The following TNRC6A variants were observed in gnomAD, a reference collection of about 807,000 sequenced individuals.
TNRC6A encodes trinucleotide repeat containing adaptor 6A, also known as trinucleotide repeat-containing gene 6A protein.
TNRC6A carries 44 observed loss-of-function variants against 221.2 expected under a neutral mutation model. That is an observed-to-expected ratio of 0.20 (90% CI 0.16 to 0.26). The LOEUF is 0.26. Ranked by LOEUF, TNRC6A falls within the 10% of genes least tolerant of loss-of-function variation. The probability of loss-of-function intolerance (pLI) is 1.00; values close to 1 mark genes in which losing one functional copy is unlikely to be tolerated. For missense variants in TNRC6A, 2,199 were observed against 2,404.4 expected (o/e 0.91, Z 1.79); for synonymous variants, 847 against 838.5 (o/e 1.01, Z -0.18).
chr16:24,666,466 C>A (rs1274248731), intron 2 of TNRC6A, among the ~76,000 whole-genome samples: 2 of 119,620 alleles, frequency 1.7e-5, no homozygotes, highest in Non-Finnish European at 1.7e-5. Flanking sequence ...AGCAAGACTC[C>A]GTCTCAAAAA....
At position 24,790,560 on chromosome 16, in the gene TNRC6A, G is replaced by A. The variant is rs1284413633; in HGVS notation, c.1918G>A (p.Gly640Arg). The A allele has an allele frequency of 3.1e-6, 5 of 1,614,096 alleles. No individual in the cohort carries two copies. The highest frequency in any genetic ancestry group is 4.2e-6 in the Non-Finnish European group (5 of 1,180,054). Reference sequence around the variant, plus strand: ...TGGCAATGGTAAGACGTTTACAAATGGATGGAAATCTACTGAGGAAGAGGA... The same window carrying A: ...TGGCAATGGTAAGACGTTTACAAATAGATGGAAATCTACTGAGGAAGAGGA... ...ANGNGKTFTN[G>R]WKSTEEEDQG... Residue 640 changes from glycine (G) to arginine (R), a missense_variant, in exon 6 of 25, where the codon GGA (glycine) becomes AGA (arginine). Coordinates refer to ENST00000395799, the MANE Select transcript of TNRC6A (RefSeq NM_014494.4).
chr16:24,661,634 G>A (rs1224864385), intron 2 of TNRC6A: 1 of 152,098 alleles, frequency 6.6e-6, no homozygotes, highest in Non-Finnish European at 1.5e-5. Context: ...GGATGGTCTC[G>A]ATCTCTTCAC....
At position 24,823,967 on chromosome 16, in the gene TNRC6A, A is replaced by G; in HGVS notation, c.*160A>G. 1 of 588,756 alleles carries G rather than the reference A, an allele frequency of 1.7e-6. No individual in the cohort carries two copies. The highest frequency in any genetic ancestry group is 2.6e-6 in the Non-Finnish European group (1 of 387,712). The allele number at this position is 588,756 out of a possible 1,614,324, so 36.5% of individuals were successfully genotyped here. ...AAAACATATCAGTTTGAATACTTGAATCATGCAGGCCAATATTATAATGTG... is the reference window on the plus strand; with the variant it reads ...AAAACATATCAGTTTGAATACTTGAGTCATGCAGGCCAATATTATAATGTG... On this transcript the variant is annotated 3_prime_UTR_variant, in exon 25 of 25. Coordinates refer to ENST00000395799, the MANE Select transcript of TNRC6A (RefSeq NM_014494.4). The surrounding 1 kb of genome is among the most constrained non-coding windows in gnomAD (Gnocchi z 4.3).
At chr16:24,765,193 G>A (rs1462387814) in intron 4 of TNRC6A, among the ~76,000 whole-genome samples, 2 of 152,188 alleles carry the variant, frequency 1.3e-5, no homozygotes, top group East Asian at 3.8e-4. Context: ...CTATTATAAC[G>A]AATTTCAGGA....
Position 24,777,369 on chromosome 16 carries a change from G to A in TNRC6A, c.589+11G>A, listed in dbSNP as rs1415414003. 1 of 1,600,062 alleles carries A rather than the reference G, an allele frequency of 6.2e-7. No homozygotes were observed. Among genetic ancestry groups the A allele is most frequent in the Admixed American group, 1.7e-5 (1 of 59,784 alleles). On this transcript the variant is annotated intron_variant, in intron 5 of 24. Coordinates refer to ENST00000395799, the MANE Select transcript of TNRC6A (RefSeq NM_014494.4). The stretch of plus-strand genomic sequence containing the variant: ...GCAAAAACCAGTCAGGTGAGAGAAG[G>A]CATTTCTTACGAGACTCACACCTTA...
At chr16:24,765,402 T>TC (rs1232356473) in intron 4 of TNRC6A, among the ~76,000 whole-genome samples, 5 of 152,150 alleles carry the variant, frequency 3.3e-5, no homozygotes, top group Admixed American at 3.3e-4. Context: ...AGTCACCCCA[T>TC]CTCCCCATAG....
intron 2 of TNRC6A, chr16:24,671,174 C>G (rs933053646): frequency 1.4e-5 from 3 of 208,540 alleles, no homozygotes; most frequent in African/African-American, 7.1e-5. Context: ...TAATGCCTCA[C>G]TGTGTCTAAA....
At chr16:24,729,297 G>A (rs1211899948), upstream of TNRC6A, among the ~76,000 whole-genome samples, 1 of 130,836 alleles carries the variant, frequency 7.6e-6, no homozygotes, top group African/African-American at 3.0e-5. Flanking sequence ...TTGCGTTTTA[G>A]GCAATTTTTT....
At chr16:24,782,258 C>A (rs1275375978) in intron 5 of TNRC6A, among the ~76,000 whole-genome samples, 1 of 152,232 alleles carries the variant, frequency 6.6e-6, no homozygotes, top group Non-Finnish European at 1.5e-5. Context: ...ATATCCATCT[C>A]CCTACCACTT....
At chr16:24,804,572 A>G in intron 12 of TNRC6A, 133 bp from the exon 13 acceptor site, 2 of 1,351,056 alleles carry the variant, frequency 1.5e-6, no homozygotes, top group Non-Finnish European at 2.0e-6. Flanking sequence ...CACTAATCCG[A>G]TCTCTTCTGT....
intron 2 of TNRC6A, among the ~76,000 whole-genome samples, chr16:24,716,675 A>G (rs1472356125): frequency 6.6e-6 from 1 of 152,084 alleles, no homozygotes; most frequent in Non-Finnish European, 1.5e-5. Flanking sequence ...AAAAGAAAAA[A>G]AAGTCTGGGC....
intron 2 of TNRC6A, 66 bp from the exon 3 acceptor site, chr16:24,750,660 T>C (rs1439311249): frequency 1.3e-5 from 18 of 1,407,238 alleles, no homozygotes; most frequent in Middle Eastern, 3.8e-4. Flanking sequence ...AAAATGAATC[T>C]GTATGCAACA....
intron 3 of TNRC6A, among the ~76,000 whole-genome samples, chr16:24,752,744 A>G (rs2057165795): frequency 6.6e-6 from 1 of 152,188 alleles, no homozygotes; most frequent in Non-Finnish European, 1.5e-5. Flanking sequence ...TTTATTGAAA[A>G]GGATGGTTGG....
rs190989013 is a variant in TNRC6A at position 24,755,389 on chromosome 16, C to A, written c.142-2950C>A. 5.9e-5 allele frequency among the ~76,000 whole-genome samples: 9 copies of A among 152,354 alleles called. 1 individual carries two copies. In the East Asian group the frequency reaches 1.7e-3, roughly 29 times the overall value. ...AGCCAATACTGAGCCAAAGCATGGG[C>A]AGATAGGCTGAAGATAGCAGCCGCC... is the stretch of plus-strand genomic sequence containing the variant. On this transcript the variant is annotated intron_variant, in intron 3 of 24. Transcript: ENST00000395799.
chr16:24,773,788 G>C (rs1298841561), intron 4 of TNRC6A, among the ~76,000 whole-genome samples: 1 of 150,506 alleles, frequency 6.6e-6, no homozygotes, highest in Non-Finnish European at 1.5e-5. Flanking sequence ...TTTTCTCTTT[G>C]AATTTTGTCT....
At position 24,789,942 on chromosome 16, in the gene TNRC6A, A is replaced by C; in HGVS notation, c.1300A>C (p.Thr434Pro). 6.2e-7 allele frequency: 1 copy of C among 1,614,012 alleles called. No individual in the cohort carries two copies. The highest frequency in any genetic ancestry group is 1.7e-5 in the Admixed American group (1 of 60,008). ...QETCESEVSGTQKVSFSGQPQ... is the reference protein window; with the variant it reads ...QETCESEVSGPQKVSFSGQPQ... ...AACTTGTGAATCTGAAGTAAGTGGT[A>C]CACAGAAGGTTTCATTCAGTGGTCA... Residue 434 changes from threonine to proline, a missense_variant, in exon 6 of 25, where the codon ACA becomes CCA. By Grantham distance (38) the Thr-to-Pro change is conservative. Around this residue, in one of 8 missense-constraint regions of TNRC6A, gnomAD observed 1,405 missense variants for 1,400.2 expected, o/e 1.00. Coordinates refer to ENST00000395799, the MANE Select transcript of TNRC6A (RefSeq NM_014494.4).
chr16:24,640,589 C>T lies in TNRC6A; in HGVS notation n.277-295C>T, dbSNP rs564387590. Among the ~76,000 whole-genome samples, 4 of 151,428 alleles carry T rather than the reference C, an allele frequency of 2.6e-5. No homozygotes were observed. The East Asian group carries it at 7.8e-4, about 29-fold the overall frequency. On this transcript the variant is annotated intron_variant and non_coding_transcript_variant, in intron 1 of 2. Transcript: ENST00000566108. Reference sequence around the variant, plus strand: ...CCAAAAATACAAAAAATTATCTGGGCATGGTGGTGCACGCCTTTGGTCCCA... The same window carrying T: ...CCAAAAATACAAAAAATTATCTGGGTATGGTGGTGCACGCCTTTGGTCCCA...
intron 2 of TNRC6A, among the ~76,000 whole-genome samples, chr16:24,651,295 T>G (rs2141843638): frequency 6.6e-6 from 1 of 151,968 alleles, no homozygotes; most frequent in Non-Finnish European, 1.5e-5. Flanking sequence ...TCCCAGCACT[T>G]TGGGAGGCTG....
chr16:24,683,538 G>A (rs1015632109), intron 2 of TNRC6A, among the ~76,000 whole-genome samples: 1 of 152,076 alleles, frequency 6.6e-6, no homozygotes, highest in Non-Finnish European at 1.5e-5. Flanking sequence ...GGTAGCTCAG[G>A]CAAGGCTCAG....
Sources: gnomAD v4.1 joint callset for allele counts (sites outside exome capture counted in the v4.1 genomes callset) on GRCh38, gnomAD v4.1.1 for gene constraint, gnomAD v4.1.1 regional missense constraint, Gnocchi (gnomAD v3.1) non-coding constraint, MANE v1.5 for transcripts, NCBI Gene and HGNC (gene_info 2026-07-23, HGNC 2026-07-21) for gene names.